Variants in SEC14L5 observed in about 807,000 individuals in gnomAD.
The protein encoded by SEC14L5 is SEC14-like protein 5.
A neutral mutation model predicts 84.6 loss-of-function variants in SEC14L5; 96 were observed. The observed-to-expected ratio is 1.13, with a 90% CI of 0.96 to 1.34. The LOEUF (loss-of-function observed/expected upper bound fraction) is 1.34. SEC14L5 is among the 40% of genes most tolerant of loss of function. The pLI is 0.00. For missense variants in SEC14L5, 1,224 were observed against 942.5 expected, an observed-to-expected ratio of 1.30 and a Z score of -3.91; for synonymous variants, 546 against 383.4, an observed-to-expected ratio of 1.42 and a Z score of -4.95.
At chr16:5,012,904 G>GA (rs1955821647) in intron 15 of SEC14L5, among the ~76,000 whole-genome samples, 3 of 29,098 alleles carry the variant, frequency 1.0e-4, no homozygotes. Context: ...AAAAGAAAAA[G>GA]GAAAAAAAAA....
At chr16:5,004,853 A>G (rs1395821890) in intron 11 of SEC14L5, among the ~76,000 whole-genome samples, 1 of 152,198 alleles carries the variant, frequency 6.6e-6, no homozygotes, top group Admixed American at 6.5e-5. Context: ...TCTGGAATAA[A>G]CAAACTGTGG....
At chr16:4,968,766 C>G (rs1156701152) in intron 2 of SEC14L5, among the ~76,000 whole-genome samples, 1 of 152,244 alleles carries the variant, frequency 6.6e-6, no homozygotes, top group East Asian at 1.9e-4. Context: ...TTTTGCAAAC[C>G]TAAATAAGGA....
intron 2 of SEC14L5, among the ~76,000 whole-genome samples, chr16:4,978,674 C>T (rs1322982876): frequency 6.6e-6 from 1 of 151,942 alleles, no homozygotes; most frequent in Non-Finnish European, 1.5e-5. Flanking sequence ...GCAATCTGGG[C>T]TCACTGCAAG....
intron 2 of SEC14L5, among the ~76,000 whole-genome samples, chr16:4,973,107 C>CT (rs1158639440): frequency 6.6e-6 from 1 of 152,214 alleles, no homozygotes; most frequent in Non-Finnish European, 1.5e-5. Context: ...TCCTTTTCCT[C>CT]TTTTTTTCTG....
At chr16:5,002,888 T>A (rs12444698) in intron 10 of SEC14L5, among the ~76,000 whole-genome samples, 1 of 152,098 alleles carries the variant, frequency 6.6e-6, no homozygotes, top group East Asian at 1.9e-4. Flanking sequence ...TTTCAACAAT[T>A]AACTCATTTA....
chr16:4,991,390 T>G (rs1000514344), intron 5 of SEC14L5, among the ~76,000 whole-genome samples: 3 of 151,734 alleles, frequency 2.0e-5, no homozygotes, highest in Non-Finnish European at 4.4e-5. Context: ...GTGGACTCCA[T>G]CTCTAAAAAA....
chr16:5,003,622 G>GT, intron 11 of SEC14L5, 49 bp downstream of exon 11: 1 of 406,244 alleles, frequency 2.5e-6, no homozygotes. Context: ...TGGGTGGGAT[G>GT]GGAGGGGTTC....
chr16:4,965,761 G>A (rs1268805206), intron 2 of SEC14L5, among the ~76,000 whole-genome samples: 3 of 150,434 alleles, frequency 2.0e-5, no homozygotes, highest in African/African-American at 7.3e-5. Context: ...TTTATTTAAG[G>A]CCAGTTGTGG....
At chr16:4,996,023 G>C (rs58233029) in intron 6 of SEC14L5, among the ~76,000 whole-genome samples, 2,666 of 152,274 alleles carry the variant, frequency 0.018, 46 homozygotes, top group African/African-American at 0.052. Context: ...AAGGTAGTGA[G>C]TGTAAGCCCA....
At chr16:4,992,128 CG>C in intron 6 of SEC14L5, 98 bp downstream of exon 6, 1 of 838,146 alleles carries the variant, frequency 1.2e-6, no homozygotes, top group East Asian at 2.9e-5. Context: ...AATTGCCTGC[CG>C]TCCCCCCTGG....
In SEC14L5 at chr16:5,014,948, G is replaced by C; in HGVS notation, c.2069G>C (p.Ser690Thr). The C allele has an allele frequency of 6.2e-7, 1 of 1,611,664 alleles. No individual in the cohort carries two copies. The highest frequency in any genetic ancestry group is 1.7e-5 in the Admixed American group (1 of 60,014). The change falls in exon 16 of 16, where the codon AGC becomes ACC. Residue 690 changes from serine (S) to threonine (T), a missense_variant. By Grantham distance (58) the Ser-to-Thr change is moderately conservative. Coordinates refer to ENST00000251170, the MANE Select transcript of SEC14L5 (RefSeq NM_014692.2). Reference protein sequence around the residue: ...TSSSSSGQSHSSSLVSR With the variant: ...TSSSSSGQSHTSSLVSR ...TCCTCCTCCTCCGGCCAGTCTCATA[G>C]CAGCTCCCTGGTCTCCAGATAGCCG... is the stretch of plus-strand genomic sequence containing the variant.
At chr16:4,983,351 A>G (rs1241666996) in intron 2 of SEC14L5, among the ~76,000 whole-genome samples, 1 of 148,864 alleles carries the variant, frequency 6.7e-6, no homozygotes. Context: ...TTATGTATCC[A>G]TATATGAAAT....
chr16:5,003,645 G>T (rs1444933882), intron 11 of SEC14L5, 72 bp downstream of exon 11: 2 of 961,486 alleles, frequency 2.1e-6, no homozygotes, highest in South Asian at 1.6e-5. Flanking sequence ...TCTGCAAGCA[G>T]CTCTGCTCTC....
rs200519895 is a variant in SEC14L5, at chr16:4,959,360, A to G, written c.37A>G (p.Lys13Glu). Residue 13 changes from lysine (K) to glutamate (E), a missense_variant, in exon 2 of 16, where the codon AAG becomes GAG. Transcript: ENST00000251170. ...QRYQSPVRVY[K>E]YPFELVMAAY... ...ATACCAGTCTCCTGTCCGAGTCTAC[A>G]AGTACCCGTTTGAGCTGGTCATGGC... is the stretch of plus-strand genomic sequence containing the variant. 1.1e-5 allele frequency: 18 copies of G among 1,613,866 alleles called. No homozygotes were observed. In the Admixed American group the frequency reaches 3.0e-4, roughly 27 times the overall value.
intron 2 of SEC14L5, among the ~76,000 whole-genome samples, chr16:4,972,376 G>C (rs1032278966): frequency 2.6e-5 from 4 of 152,124 alleles, no homozygotes; most frequent in Non-Finnish European, 5.9e-5. Context: ...TAAGTGTACA[G>C]TTCAGTGGCA....
rs4786579 is a variant in SEC14L5, at chr16:5,018,028, A to C, written c.*3058A>C. On this transcript the variant is annotated 3_prime_UTR_variant, in exon 16 of 16. Coordinates refer to ENST00000251170, the MANE Select transcript of SEC14L5 (RefSeq NM_014692.2). The stretch of plus-strand genomic sequence containing the variant: ...GGGCCTTGAATTTAGGCCAGGACTC[A>C]AACCCCAGCCTTCCTTTCACTAGCT... 0.24 allele frequency: 36,145 copies of C among 152,188 alleles called. 4,552 individuals carry two copies. The highest frequency in any genetic ancestry group is 0.26 in the Non-Finnish European group (17,555 of 68,042). The allele number at this position is 152,188 out of a possible 1,614,324, so 9.4% of individuals were successfully genotyped here.
intron 11 of SEC14L5, among the ~76,000 whole-genome samples, chr16:5,004,934 C>T (rs138299780): frequency 1.1e-4 from 17 of 152,320 alleles, no homozygotes; most frequent in Admixed American, 9.1e-4. Context: ...TCCTCCAACA[C>T]GGAGGGACCT....
At position 5,015,304 on chromosome 16, in the gene SEC14L5, TCTG is replaced by T; in HGVS notation, c.*337_*339del. On this transcript the variant is annotated 3_prime_UTR_variant, in exon 16 of 16. Coordinates refer to ENST00000251170, the MANE Select transcript of SEC14L5 (RefSeq NM_014692.2). The stretch of plus-strand genomic sequence containing the variant: ...CATCTCCTCTCTGTCCACCTCTTGC[TCTG>T]CTTTCGCCATGCAGGGGACCATCAC... 3.7e-6 allele frequency: 1 copy of T among 271,390 alleles called. No individual in the cohort carries two copies. The highest frequency in any genetic ancestry group is 7.0e-6 in the Non-Finnish European group (1 of 142,570). The allele number at this position is 271,390 out of a possible 1,614,324, so 16.8% of individuals were successfully genotyped here. A position where few individuals can be genotyped will look rare whatever the true frequency, so the allele number is the denominator to read the frequency against.
At chr16:4,984,250 G>T (rs941818758) in intron 2 of SEC14L5, among the ~76,000 whole-genome samples, 5 of 152,090 alleles carry the variant, frequency 3.3e-5, no homozygotes, top group Non-Finnish European at 7.3e-5. Context: ...CTCTCTATTT[G>T]CCCGTTCTGA....
Sources: gnomAD v4.1 joint callset for allele counts (sites outside exome capture counted in the v4.1 genomes callset) on GRCh38, gnomAD v4.1.1 for gene constraint, MANE v1.5 for transcripts, NCBI Gene and HGNC (gene_info 2026-07-23, HGNC 2026-07-21) for gene names.